The following FHIT variants were observed in gnomAD, a reference collection of about 807,000 sequenced individuals.
FHIT encodes fragile histidine triad diadenosine triphosphatase, also known as bis(5'-adenosyl)-triphosphatase.
Under a neutral mutation model 17.9 loss-of-function variants are expected in FHIT, and 19 were observed. The ratio of observed to expected loss-of-function variants is 1.06; its 90% CI spans 0.74 to 1.56. The LOEUF (loss-of-function observed/expected upper bound fraction) is 1.56. Among genes scored for constraint, FHIT ranks in the 40% most tolerant of loss-of-function variants. FHIT has a pLI of 0.00. For missense variants in FHIT, 248 were observed against 189.2 expected (o/e 1.31, Z -1.82); for synonymous variants, 81 against 69.7 (o/e 1.16, Z -0.81).
intron 5 of FHIT, among the ~76,000 whole-genome samples, chr3:60,079,859 C>G (rs7615700): frequency 0.31 from 46,546 of 151,730 alleles, 7,581 homozygotes; most frequent in African/African-American, 0.41. Context: ...TATTGTTCAT[C>G]AGATCTGAAA....
At chr3:60,811,498 G>A (rs1164758454) in intron 4 of FHIT, among the ~76,000 whole-genome samples, 1 of 152,156 alleles carries the variant, frequency 6.6e-6, no homozygotes, top group Non-Finnish European at 1.5e-5. Context: ...TTGCAACTCT[G>A]TTAGCAGTAG....
intron 3 of FHIT, among the ~76,000 whole-genome samples, chr3:61,023,030 A>G (rs561013232): frequency 1.3e-5 from 2 of 152,282 alleles, no homozygotes; most frequent in Middle Eastern, 3.4e-3. Context: ...GCATATTCAA[A>G]TAGGAAGAGA....
At chr3:60,827,928 G>T (rs538115818) in intron 3 of FHIT, among the ~76,000 whole-genome samples, 1 of 152,318 alleles carries the variant, frequency 6.6e-6, no homozygotes, top group East Asian at 1.9e-4. Flanking sequence ...GACACATGAG[G>T]ACAGATAATT....
intron 2 of FHIT, among the ~76,000 whole-genome samples, chr3:61,047,462 C>T (rs1040387197): frequency 1.3e-5 from 2 of 152,182 alleles, no homozygotes; most frequent in Non-Finnish European, 2.9e-5. Flanking sequence ...CTACAAACCA[C>T]TGCTCAACGA....
chr3:60,719,673 A>G (rs1033209147), intron 4 of FHIT, among the ~76,000 whole-genome samples: 4 of 152,168 alleles, frequency 2.6e-5, no homozygotes, highest in African/African-American at 9.7e-5. Context: ...CAGAATCTAC[A>G]TTTCAACAAG....
At chr3:61,070,206 T>C (rs1414064757) in intron 2 of FHIT, among the ~76,000 whole-genome samples, 1 of 152,180 alleles carries the variant, frequency 6.6e-6, no homozygotes, top group Non-Finnish European at 1.5e-5. Flanking sequence ...GAACCACCAT[T>C]TTGATTGGCA....
chr3:60,597,725 A>C (rs1018412408), intron 4 of FHIT, among the ~76,000 whole-genome samples: 1 of 152,152 alleles, frequency 6.6e-6, no homozygotes, highest in Non-Finnish European at 1.5e-5. Flanking sequence ...GGAGTTCATC[A>C]AACTGTTTAA....
At chr3:61,026,883 T>G (rs2032761443) in intron 3 of FHIT, among the ~76,000 whole-genome samples, 1 of 152,146 alleles carries the variant, frequency 6.6e-6, no homozygotes, top group Non-Finnish European at 1.5e-5. Context: ...ACACCACTTT[T>G]GAGTTGGATT....
At chr3:61,090,173 C>T (rs548407809) in intron 2 of FHIT, among the ~76,000 whole-genome samples, 120 of 152,202 alleles carry the variant, frequency 7.9e-4, no homozygotes, top group Middle Eastern at 3.4e-3. Flanking sequence ...CATTCATGCC[C>T]TTTTTTGGGG....
intron 5 of FHIT, among the ~76,000 whole-genome samples, chr3:60,477,155 C>T (rs1056650453): frequency 2.0e-5 from 3 of 151,760 alleles, no homozygotes; most frequent in Admixed American, 6.6e-5. Flanking sequence ...CATTAACCCA[C>T]GGTGAGGAAG....
chr3:60,414,207 G>A (rs1044658239), intron 5 of FHIT, among the ~76,000 whole-genome samples: 1 of 152,150 alleles, frequency 6.6e-6, no homozygotes. Flanking sequence ...CTAGATTGCT[G>A]AGCCCCACCC....
intron 5 of FHIT, among the ~76,000 whole-genome samples, chr3:60,220,151 G>C (rs1301164031): frequency 6.6e-6 from 1 of 152,084 alleles, no homozygotes; most frequent in African/African-American, 2.4e-5. Context: ...ATCCATATCA[G>C]AGACAAAGTG....
chr3:60,092,069 T>C (rs1703757138), intron 5 of FHIT, among the ~76,000 whole-genome samples: 2 of 152,174 alleles, frequency 1.3e-5, no homozygotes, highest in African/African-American at 2.4e-5. Context: ...AATAAAGGCA[T>C]TTTAAGGAAT....
At chr3:60,781,144 TA>T (rs1215978378) in intron 4 of FHIT, among the ~76,000 whole-genome samples, 5 of 152,196 alleles carry the variant, frequency 3.3e-5, no homozygotes, top group African/African-American at 1.2e-4. Context: ...CCAAAGCACA[TA>T]AGTGGAGAAT....
intron 5 of FHIT, among the ~76,000 whole-genome samples, chr3:60,190,599 T>C (rs992532151): frequency 2.0e-5 from 3 of 151,040 alleles, no homozygotes; most frequent in African/African-American, 7.3e-5. Flanking sequence ...AAATACAACA[T>C]CACTGGGGAC....
At chr3:61,046,035 CAG>C (rs2033768992) in intron 2 of FHIT, among the ~76,000 whole-genome samples, 1 of 151,936 alleles carries the variant, frequency 6.6e-6, no homozygotes, top group South Asian at 2.1e-4. Context: ...CAAGAGAAAA[CAG>C]GAAAAACCTA....
In FHIT at chr3:60,514,560, G is replaced by A. The variant is rs534852355; in HGVS notation, c.103+22300C>T. ...CATGCAGGGCTTAACACCAGGTGAC[G>A]GGTTGGTAGATGCAGCAACCACCAT... On this transcript the variant is annotated intron_variant, in intron 5 of 9. Coordinates refer to ENST00000492590, the MANE Select transcript of FHIT (RefSeq NM_002012.4). Among the ~76,000 whole-genome samples the A allele has an allele frequency of 8.0e-4, 122 of 152,284 alleles. 3 individuals are homozygous for A. Among genetic ancestry groups the A allele is most frequent in the South Asian group, 2.3e-3 (11 of 4,820 alleles).
intron 2 of FHIT, among the ~76,000 whole-genome samples, chr3:61,048,422 A>T (rs1424298714): frequency 6.6e-6 from 1 of 152,216 alleles, no homozygotes; most frequent in African/African-American, 2.4e-5. Context: ...TCAAAACCAC[A>T]ATGAGATACC....
intron 2 of FHIT, among the ~76,000 whole-genome samples, chr3:61,153,183 A>T (rs557922755): frequency 6.6e-6 from 1 of 151,852 alleles, no homozygotes; most frequent in Admixed American, 6.6e-5. Context: ...TCCAAGTTCA[A>T]GTGATAGCAG....
Sources: allele counts gnomAD v4.1 joint callset (sites outside exome capture counted in the v4.1 genomes callset), GRCh38; gene constraint gnomAD v4.1.1; transcripts MANE v1.5; gene names NCBI Gene and HGNC (gene_info 2026-07-23, HGNC 2026-07-21).